The following PDE7A variants were observed in gnomAD, a reference collection of about 807,000 sequenced individuals.
PDE7A encodes the protein phosphodiesterase 7A, also known as high affinity 3',5'-cyclic-AMP phosphodiesterase 7A.
In PDE7A, 39 loss-of-function variants were observed where a neutral mutation model predicts 64.3. The observed-to-expected ratio is 0.61, with a 90% CI of 0.47 to 0.79. The LOEUF is 0.79. PDE7A is among the 30% of genes least tolerant of loss of function. The pLI, the probability that PDE7A is intolerant of heterozygous loss-of-function variation, is 0.00. For missense variants in PDE7A, 470 were observed against 582.8 expected, an observed-to-expected ratio of 0.81 and a Z score of 1.99; for synonymous variants, 203 against 206.8, an observed-to-expected ratio of 0.98 and a Z score of 0.16.
chr8:65,786,126 CAG>C (rs1286913689), intron 1 of PDE7A, among the ~76,000 whole-genome samples: 3 of 151,980 alleles, frequency 2.0e-5, no homozygotes, highest in Admixed American at 6.6e-5. Flanking sequence ...GCAAAAAAGG[CAG>C]AGTTTAATTT....
At chr8:65,806,294 A>G (rs1300541821) in intron 1 of PDE7A, among the ~76,000 whole-genome samples, 2 of 152,226 alleles carry the variant, frequency 1.3e-5, no homozygotes, top group Non-Finnish European at 2.9e-5. Flanking sequence ...GTAAAAAAAA[A>G]AGTACATATT....
chr8:65,800,445 T>C (rs1429935664), intron 1 of PDE7A, among the ~76,000 whole-genome samples: 4 of 152,222 alleles, frequency 2.6e-5, no homozygotes, highest in Non-Finnish European at 5.9e-5. Flanking sequence ...TCTCCCTGTA[T>C]TGAAGTATGA....
intron 5 of PDE7A, among the ~76,000 whole-genome samples, chr8:65,741,069 CG>C (rs996693980): frequency 6.6e-5 from 10 of 152,210 alleles, no homozygotes; most frequent in African/African-American, 2.4e-4. Context: ...TATGATGTTT[CG>C]TTTTCCCTTC....
rs1303604147 is a variant in PDE7A at position 65,724,320 on chromosome 8, G to C, written c.1097C>G (p.Pro366Arg). ...MALKCADICN[P>R]CRTWELSKQW... ...CTTGCTTAATTCCCACGTCCGACAT[G>C]GGTTACAAATATCAGCACATTTCAA... Residue 366 changes from proline to arginine, a missense_variant, in exon 11 of 13, where the codon CCA (proline) becomes CGA (arginine). Pro to Arg is a moderately radical substitution (Grantham distance 103). Transcript: ENST00000401827. The C allele has an allele frequency of 6.2e-7, 1 of 1,612,330 alleles. No individual in the cohort carries two copies. Among genetic ancestry groups the C allele is most frequent in the Non-Finnish European group, 8.5e-7 (1 of 1,178,904 alleles).
intron 1 of PDE7A, among the ~76,000 whole-genome samples, chr8:65,828,916 T>C (rs996280665): frequency 1.3e-5 from 2 of 152,114 alleles, no homozygotes; most frequent in African/African-American, 4.8e-5. Flanking sequence ...TTCTACCGAG[T>C]AGTCTTATAT....
At position 65,776,675 on chromosome 8, in the gene PDE7A, T is replaced by C. The variant is rs142068720; in HGVS notation, c.283+3045A>G. On this transcript the variant is annotated intron_variant, in intron 3 of 12. Transcript: ENST00000401827. ...TGTTTCTTGATACAAATTCAAATTA[T>C]ATATTATGTTAATTTTGTCACTGTT... is the stretch of plus-strand genomic sequence containing the variant. Among the ~76,000 whole-genome samples the C allele has an allele frequency of 1.9e-4, 29 of 152,356 alleles. No individual in the cohort carries two copies. The East Asian group carries it at 4.8e-3, about 25-fold the overall frequency.
In PDE7A at chr8:65,802,541, C is replaced by A. The variant is rs559242488; in HGVS notation, c.139-19698G>T. Among the ~76,000 whole-genome samples the A allele has an allele frequency of 3.3e-5, 5 of 152,226 alleles. No homozygotes were observed. The East Asian group carries it at 7.7e-4, about 23-fold the overall frequency. On this transcript the variant is annotated intron_variant, in intron 1 of 12. Coordinates refer to ENST00000401827, the MANE Select transcript of PDE7A (RefSeq NM_001242318.3). ...TCTTCCTAACTACGGAGTCTTCATA[C>A]AAGTTATATTCTAAACCTCAGTTTT... is the stretch of plus-strand genomic sequence containing the variant.
intron 1 of PDE7A, among the ~76,000 whole-genome samples, chr8:65,797,481 G>T (rs55738339): frequency 0.13 from 17,695 of 138,494 alleles, 1,055 homozygotes; most frequent in African/African-American, 0.17. Flanking sequence ...AACTGCCTCC[G>T]GGGGGCAAGG....
At chr8:65,834,446 G>C (rs1419026318) in intron 1 of PDE7A, among the ~76,000 whole-genome samples, 3 of 152,078 alleles carry the variant, frequency 2.0e-5, no homozygotes, top group Non-Finnish European at 4.4e-5. Context: ...AGTTATATGT[G>C]GATTTTTGAC....
chr8:65,771,646 C>T (rs577762662), intron 3 of PDE7A, among the ~76,000 whole-genome samples: 6 of 152,104 alleles, frequency 3.9e-5, no homozygotes, highest in South Asian at 2.1e-4. Context: ...GAGGCCAGGG[C>T]GGGCGGATCA....
At chr8:65,819,579 T>A (rs914394606) in intron 1 of PDE7A, among the ~76,000 whole-genome samples, 6 of 152,218 alleles carry the variant, frequency 3.9e-5, no homozygotes, top group African/African-American at 1.4e-4. Context: ...GCAATGTAAG[T>A]ATTTAGCAGA....
Position 65,745,429 on chromosome 8 carries a change from A to G in PDE7A, c.477T>C (p.Phe159=). 1 of 1,571,360 alleles carries G rather than the reference A, an allele frequency of 6.4e-7. No individual in the cohort carries two copies. Among genetic ancestry groups the G allele is most frequent in the African/African-American group, 1.3e-5 (1 of 74,258 alleles). Reference sequence around the variant, plus strand: ...TACCATTTGTTAGTCTATCAAATAGAAAGATATCAAAATTCCAATTTCCAA... The same window carrying G: ...TACCATTTGTTAGTCTATCAAATAGGAAGATATCAAAATTCCAATTTCCAA... ...EKVGNWNFDI[F]LFDRLTNGNS... The change falls in exon 5 of 13, where the codon TTT becomes TTC. Residue 159 remains phenylalanine, a synonymous_variant. Coordinates refer to ENST00000401827, the MANE Select transcript of PDE7A (RefSeq NM_001242318.3).
At chr8:65,732,143 C>T (rs1474418027) in intron 7 of PDE7A, among the ~76,000 whole-genome samples, 2 of 151,958 alleles carry the variant, frequency 1.3e-5, no homozygotes, top group Non-Finnish European at 2.9e-5. Flanking sequence ...GGATTACAGG[C>T]ACCCGCCACC....
At chr8:65,760,194 C>T (rs1016127123) in intron 3 of PDE7A, among the ~76,000 whole-genome samples, 1 of 152,082 alleles carries the variant, frequency 6.6e-6, no homozygotes, top group African/African-American at 2.4e-5. Flanking sequence ...GAGCTAAGAT[C>T]GTGCTACTGC....
intron 1 of PDE7A, among the ~76,000 whole-genome samples, chr8:65,794,177 A>G (rs763775206): frequency 6.6e-6 from 1 of 152,220 alleles, no homozygotes; most frequent in Non-Finnish European, 1.5e-5. Flanking sequence ...AAATGGAAAC[A>G]TTCTTTTTCC....
At chr8:65,807,768 G>T (rs1003540836) in intron 1 of PDE7A, among the ~76,000 whole-genome samples, 2 of 152,106 alleles carry the variant, frequency 1.3e-5, no homozygotes, top group African/African-American at 2.4e-5. Flanking sequence ...TGCTTTTCCT[G>T]CATCTACTGG....
intron 3 of PDE7A, among the ~76,000 whole-genome samples, chr8:65,770,054 A>G (rs1164713058): frequency 6.6e-6 from 1 of 152,162 alleles, no homozygotes; most frequent in Non-Finnish European, 1.5e-5. Context: ...AAAAATAAAT[A>G]GTATAAAGAA....
At chr8:65,776,945 T>G (rs1809276420) in intron 3 of PDE7A, among the ~76,000 whole-genome samples, 1 of 152,220 alleles carries the variant, frequency 6.6e-6, no homozygotes, top group African/African-American at 2.4e-5. Context: ...AGAAAGAATG[T>G]TTTAATATTG....
intron 1 of PDE7A, among the ~76,000 whole-genome samples, chr8:65,836,939 A>C (rs1302652137): frequency 1.3e-5 from 2 of 152,178 alleles, no homozygotes; most frequent in Non-Finnish European, 2.9e-5. Context: ...ATTTGTCTAG[A>C]AACAACTGCT....
Sources: allele counts gnomAD v4.1 joint callset (sites outside exome capture counted in the v4.1 genomes callset), GRCh38; gene constraint gnomAD v4.1.1; transcripts MANE v1.5; gene names NCBI Gene and HGNC (gene_info 2026-07-23, HGNC 2026-07-21).